The following AKAP10 variants were observed in gnomAD, a reference collection of about 807,000 sequenced individuals.
AKAP10 encodes A-kinase anchor protein 10, mitochondrial.
Under a neutral mutation model 80.8 loss-of-function variants are expected in AKAP10, and 24 were observed. The observed-to-expected ratio is 0.30, with a 90% CI of 0.22 to 0.42. The LOEUF (loss-of-function observed/expected upper bound fraction) is 0.42. Among genes scored for constraint, AKAP10 ranks in the 10% least tolerant of loss-of-function variants. AKAP10 has a pLI of 1.00. For missense variants in AKAP10, 661 were observed against 794.9 expected (o/e 0.83, Z 2.03); for synonymous variants, 291 against 277.7 (o/e 1.05, Z -0.48).
At chr17:19,910,014 T>C (rs1355504968) in intron 12 of AKAP10, 36 bp from the exon 13 acceptor site, 2 of 1,598,556 alleles carry the variant, frequency 1.3e-6, no homozygotes, top group South Asian at 2.2e-5. Flanking sequence ...GTACATTTCA[T>C]GCATAATTTT....
chr17:19,942,117 C>T (rs576655858), intron 5 of AKAP10, among the ~76,000 whole-genome samples: 7 of 152,270 alleles, frequency 4.6e-5, no homozygotes, highest in South Asian at 2.1e-4. Flanking sequence ...GATTTAACAA[C>T]ATAAAATTTA....
chr17:19,958,695 C>G, intron 3 of AKAP10, 124 bp from the exon 4 acceptor site: 1 of 758,030 alleles, frequency 1.3e-6, no homozygotes, highest in Non-Finnish European at 2.0e-6. Context: ...TTCCTAGCAA[C>G]TAAAGTAAAT....
Position 19,906,235 on chromosome 17 carries a change from G to A in AKAP10, c.1984-3C>T. Reference sequence around the variant, plus strand: ...TTATCTCAAGTTTTGAGTCATAACTGAAAAAAGAAAAGAAAAGAAAATGGT... The same window carrying A: ...TTATCTCAAGTTTTGAGTCATAACTAAAAAAAGAAAAGAAAAGAAAATGGT... On this transcript the variant is annotated splice_polypyrimidine_tract_variant and splice_region_variant and intron_variant, in intron 14 of 14. Transcript: ENST00000225737. The A allele has an allele frequency of 1.2e-6, 2 of 1,604,604 alleles. No individual in the cohort carries two copies. Among genetic ancestry groups the A allele is most frequent in the East Asian group, 2.2e-5 (1 of 44,788 alleles).
At chr17:19,960,446 AC>A (rs1319002998) in intron 3 of AKAP10, among the ~76,000 whole-genome samples, 5 of 152,172 alleles carry the variant, frequency 3.3e-5, no homozygotes, top group Admixed American at 3.3e-4. Context: ...ACGGAATCAT[AC>A]TATATGTAGT....
At chr17:19,975,021 T>A (rs925958461) in intron 1 of AKAP10, among the ~76,000 whole-genome samples, 9 of 152,184 alleles carry the variant, frequency 5.9e-5, no homozygotes, top group Middle Eastern at 6.8e-3. Context: ...AATTTTAAAT[T>A]AATATTCTTT....
intron 11 of AKAP10, among the ~76,000 whole-genome samples, chr17:19,922,278 T>C (rs1402150165): frequency 6.6e-6 from 1 of 152,218 alleles, no homozygotes; most frequent in Non-Finnish European, 1.5e-5. Flanking sequence ...GGCAAAGTGA[T>C]CTTATTTTAG....
chr17:19,929,207 G>A (rs1031079313), intron 10 of AKAP10, among the ~76,000 whole-genome samples: 12 of 152,118 alleles, frequency 7.9e-5, no homozygotes, highest in African/African-American at 2.7e-4. Context: ...TAGGGCTGGT[G>A]GAGTGGGGGA....
chr17:19,951,257 C>G (rs796734108), intron 4 of AKAP10, among the ~76,000 whole-genome samples: 1 of 138,630 alleles, frequency 7.2e-6, no homozygotes, highest in Non-Finnish European at 1.7e-5. Flanking sequence ...CCCGGCCAGC[C>G]GCCCCATCCG....
intron 5 of AKAP10, among the ~76,000 whole-genome samples, chr17:19,946,247 A>ATTT (rs1359172933): frequency 1.3e-4 from 2 of 15,154 alleles, no homozygotes; most frequent in African/African-American, 8.0e-4. Flanking sequence ...TTATATATAT[A>ATTT]TATATATATA....
At chr17:19,930,913 G>A (rs780908567) in intron 10 of AKAP10, among the ~76,000 whole-genome samples, 3 of 152,058 alleles carry the variant, frequency 2.0e-5, no homozygotes, top group Admixed American at 6.6e-5. Flanking sequence ...GTTTCACCAC[G>A]TTGGCCAGGC....
chr17:19,919,645 C>G (rs1212663203), intron 12 of AKAP10, among the ~76,000 whole-genome samples: 1 of 151,006 alleles, frequency 6.6e-6, no homozygotes, highest in Non-Finnish European at 1.5e-5. Flanking sequence ...GGTCAGACCA[C>G]TGCACTCCGG....
chr17:19,935,083 A>G (rs1266046143), intron 9 of AKAP10, among the ~76,000 whole-genome samples: 1 of 152,208 alleles, frequency 6.6e-6, no homozygotes, highest in Admixed American at 6.5e-5. Flanking sequence ...CTAACATCAC[A>G]GAGTGTACTT....
At chr17:19,942,386 T>C (rs192868419) in intron 5 of AKAP10, among the ~76,000 whole-genome samples, 320 of 152,196 alleles carry the variant, frequency 2.1e-3, no homozygotes, top group African/African-American at 7.5e-3. Context: ...GCACTACACC[T>C]TTTATCTAGT....
At chr17:19,941,973 G>C in intron 5 of AKAP10, 63 bp from the exon 6 acceptor site, 4 of 1,464,016 alleles carry the variant, frequency 2.7e-6, no homozygotes, top group Non-Finnish European at 3.7e-6. Flanking sequence ...ACACACTTGT[G>C]AATCAACTTG....
chr17:19,936,069 G>A (rs1490484088), intron 9 of AKAP10: 3 of 372,080 alleles, frequency 8.1e-6, no homozygotes, highest in East Asian at 4.1e-5. Flanking sequence ...CATTATAATC[G>A]TACAGGACCA....
intron 8 of AKAP10, among the ~76,000 whole-genome samples, chr17:19,938,895 G>A (rs897593329): frequency 1.4e-4 from 22 of 151,890 alleles, no homozygotes; most frequent in African/African-American, 5.1e-4. Flanking sequence ...ATCACGCTCA[G>A]CTAATTTTTG....
intron 12 of AKAP10, among the ~76,000 whole-genome samples, chr17:19,919,599 G>A (rs892179086): frequency 2.0e-5 from 3 of 151,682 alleles, no homozygotes; most frequent in Non-Finnish European, 4.4e-5. Context: ...CAGGAAAATC[G>A]CTTGAACCTA....
At chr17:19,947,577 T>C (rs943612807) in intron 4 of AKAP10, 72 bp from the exon 5 acceptor site, 3 of 982,244 alleles carry the variant, frequency 3.1e-6, no homozygotes, top group Non-Finnish European at 4.9e-6. Flanking sequence ...TATTCATGAA[T>C]AGCAGGGCTT....
At chr17:19,923,267 G>A (rs1483927394) in intron 11 of AKAP10, among the ~76,000 whole-genome samples, 9 of 151,790 alleles carry the variant, frequency 5.9e-5, no homozygotes, top group African/African-American at 1.7e-4. Flanking sequence ...TAGTAGAGAC[G>A]GGGTTTCACC....
Sources: allele counts gnomAD v4.1 joint callset (sites outside exome capture counted in the v4.1 genomes callset), GRCh38; gene constraint gnomAD v4.1.1; transcripts MANE v1.5; gene names NCBI Gene and HGNC (gene_info 2026-07-23, HGNC 2026-07-21).